SUSD1: variants seen among roughly 807,000 people sequenced by gnomAD.
SUSD1 encodes the protein sushi domain containing 1.
Under a neutral mutation model 86.9 loss-of-function variants are expected in SUSD1, and 65 were observed. The observed-to-expected ratio is 0.75, with a 90% CI of 0.61 to 0.92. SUSD1 has a LOEUF of 0.92. SUSD1 is among the 40% of genes least tolerant of loss of function. The pLI is 0.00. For synonymous variants in SUSD1, 346 were observed against 350.0 expected (o/e 0.99, Z 0.13); for missense variants, 850 against 929.7 (o/e 0.91, Z 1.11).
Position 112,142,491 on chromosome 9 carries a change from A to T in SUSD1, c.535T>A (p.Cys179Ser). The T allele has an allele frequency of 6.2e-7, 1 of 1,600,944 alleles. No homozygotes were observed. Among genetic ancestry groups the T allele is most frequent in the Non-Finnish European group, 8.5e-7 (1 of 1,177,260 alleles). ...TDATSCTEID[C>S]GTPPEVPDGY... ...TCTGGAACCTCAGGAGGGGTACCAC[A>T]GTCTATTTCTGAAAATAAATTAATG... The change falls in exon 5 of 17, where the codon TGT (cysteine) becomes AGT (serine). Residue 179 changes from cysteine (C) to serine (S), a missense_variant. Cys to Ser is a moderately radical substitution (Grantham distance 112). Transcript: ENST00000374270.
At chr9:112,108,431 T>C (rs559855626) in intron 8 of SUSD1, among the ~76,000 whole-genome samples, 3 of 152,122 alleles carry the variant, frequency 2.0e-5, no homozygotes, top group South Asian at 4.1e-4. Context: ...AACAGAAATA[T>C]GGGCTGTGCA....
chr9:112,137,430 T>C (rs1832313416), intron 5 of SUSD1, among the ~76,000 whole-genome samples: 4 of 152,230 alleles, frequency 2.6e-5, no homozygotes, highest in Admixed American at 2.6e-4. Flanking sequence ...ATAATCCAGA[T>C]GATGGCTAAT....
At chr9:112,052,088 AAAC>A in intron 15 of SUSD1, 1 of 1,289,900 alleles carries the variant, frequency 7.8e-7, no homozygotes, top group Non-Finnish European at 9.9e-7. Flanking sequence ...CAGTAGAAGA[AAAC>A]GAAGCCAAGT....
At chr9:112,092,414 T>C (rs1490617574) in intron 10 of SUSD1, among the ~76,000 whole-genome samples, 1 of 152,252 alleles carries the variant, frequency 6.6e-6, no homozygotes, top group Non-Finnish European at 1.5e-5. Flanking sequence ...TAACTGATTC[T>C]TAATGTTGAA....
intron 1 of SUSD1, among the ~76,000 whole-genome samples, chr9:112,163,490 T>C (rs182104368): frequency 2.0e-5 from 3 of 152,008 alleles, no homozygotes; most frequent in Admixed American, 2.0e-4. Flanking sequence ...AAAATTTAAT[T>C]AGCTGGGCAT....
intron 13 of SUSD1, among the ~76,000 whole-genome samples, chr9:112,062,674 G>A (rs1317011095): frequency 6.6e-6 from 1 of 152,076 alleles, no homozygotes; most frequent in East Asian, 1.9e-4. Flanking sequence ...CGGCCTGTAT[G>A]ATGGGAGTGA....
At chr9:112,092,109 A>G (rs1369932623) in intron 10 of SUSD1, among the ~76,000 whole-genome samples, 1 of 152,216 alleles carries the variant, frequency 6.6e-6, no homozygotes, top group Non-Finnish European at 1.5e-5. Context: ...TTGCTAGCTC[A>G]GTGACACCAA....
At chr9:112,117,439 C>G (rs1831373409) in intron 6 of SUSD1, among the ~76,000 whole-genome samples, 1 of 152,154 alleles carries the variant, frequency 6.6e-6, no homozygotes, top group Admixed American at 6.5e-5. Context: ...CAGTGTCCAG[C>G]TGAAGTCTCA....
chr9:112,098,726 A>T, intron 9 of SUSD1, 64 bp from the exon 10 acceptor site: 1 of 1,472,346 alleles, frequency 6.8e-7, no homozygotes, highest in Non-Finnish European at 9.4e-7. Context: ...TGCCTAGACT[A>T]TTAGCAAAAT....
At chr9:112,123,438 C>G (rs1298792351) in intron 6 of SUSD1, among the ~76,000 whole-genome samples, 1 of 152,174 alleles carries the variant, frequency 6.6e-6, no homozygotes, top group East Asian at 1.9e-4. Flanking sequence ...CACTTCCCAC[C>G]AGGCCCCACC....
intron 9 of SUSD1, among the ~76,000 whole-genome samples, chr9:112,099,497 C>T (rs1292450133): frequency 6.6e-6 from 1 of 152,114 alleles, no homozygotes; most frequent in Non-Finnish European, 1.5e-5. Flanking sequence ...AAAGCAAATG[C>T]CATGGTACTT....
At chr9:112,079,745 G>A (rs575253724) in intron 11 of SUSD1, among the ~76,000 whole-genome samples, 1 of 152,090 alleles carries the variant, frequency 6.6e-6, no homozygotes, top group Admixed American at 6.5e-5. Context: ...TGGGATTACA[G>A]CTATGCGCCA....
intron 12 of SUSD1, among the ~76,000 whole-genome samples, chr9:112,071,138 C>T (rs1423352099): frequency 1.3e-5 from 2 of 152,192 alleles, no homozygotes; most frequent in Admixed American, 1.3e-4. Flanking sequence ...GAATGTGCCA[C>T]TGTGCCCAGC....
chr9:112,102,060 A>G, intron 9 of SUSD1, 116 bp downstream of exon 9: 1 of 531,900 alleles, frequency 1.9e-6, no homozygotes, highest in Non-Finnish European at 3.3e-6. Context: ...AGAAACAACA[A>G]TCACAAACTG....
chr9:112,080,836 T>G lies in SUSD1; in HGVS notation c.1475-671A>C, dbSNP rs76680924. 5.1e-3 allele frequency among the ~76,000 whole-genome samples: 770 copies of G among 152,322 alleles called. 8 individuals are homozygous for G. The highest frequency in any genetic ancestry group is 0.018 in the African/African-American group (752 of 41,572). On this transcript the variant is annotated intron_variant, in intron 10 of 16. Transcript: ENST00000374270. Reference sequence around the variant, plus strand: ...ATACAAATAAGTGTCGGTTCGAAATTCTGAGCTAAGAGCAACATTTCAGCA... The same window carrying G: ...ATACAAATAAGTGTCGGTTCGAAATGCTGAGCTAAGAGCAACATTTCAGCA...
chr9:112,146,106 G>A (rs1832797612), intron 3 of SUSD1: 1 of 152,212 alleles, frequency 6.6e-6, no homozygotes, highest in Non-Finnish European at 1.5e-5. Context: ...ACTAACTGCT[G>A]ATACCCCAAC....
chr9:112,101,694 A>G (rs1461199796), intron 9 of SUSD1, among the ~76,000 whole-genome samples: 1 of 150,972 alleles, frequency 6.6e-6, no homozygotes, highest in African/African-American at 2.4e-5. Flanking sequence ...AAAAATACAA[A>G]ATTAGCTGGG....
At chr9:112,152,751 CTTTT>C (rs71382410) in intron 2 of SUSD1, among the ~76,000 whole-genome samples, 15 of 87,490 alleles carry the variant, frequency 1.7e-4, no homozygotes, top group East Asian at 7.0e-4. Context: ...TTTTTTTAAT[CTTTT>C]TTTTTTTTTT....
intron 10 of SUSD1, among the ~76,000 whole-genome samples, chr9:112,089,084 G>A (rs1286045284): frequency 6.6e-6 from 1 of 152,150 alleles, no homozygotes; most frequent in Non-Finnish European, 1.5e-5. Context: ...TCCAGTCTGG[G>A]CAACAGGGTG....
Sources: gnomAD v4.1 joint callset for allele counts (sites outside exome capture counted in the v4.1 genomes callset) on GRCh38, gnomAD v4.1.1 for gene constraint, MANE v1.5 for transcripts, NCBI Gene and HGNC (gene_info 2026-07-23, HGNC 2026-07-21) for gene names.